The following ARPIN variants were observed in gnomAD, a reference collection of about 807,000 sequenced individuals.
ARPIN encodes UPF0552 protein C15orf38.
Under a neutral mutation model 25.9 loss-of-function variants are expected in ARPIN, and 23 were observed. The ratio of observed to expected loss-of-function variants is 0.89; its 90% CI spans 0.64 to 1.26. The LOEUF is 1.26. Ranked by LOEUF, ARPIN falls within the 50% of genes most tolerant of loss-of-function variation. The probability of loss-of-function intolerance (pLI) is 0.00; values close to 1 mark genes in which losing one functional copy is unlikely to be tolerated. For synonymous variants in ARPIN, 126 were observed against 131.4 expected (o/e 0.96, Z 0.28); for missense variants, 333 against 312.2 (o/e 1.07, Z -0.50).
At chr15:89,910,875 C>T (rs1897211269) in intron 1 of ARPIN, 56 bp from the exon 2 acceptor site, 1 of 1,599,308 alleles carries the variant, frequency 6.3e-7, no homozygotes, top group African/African-American at 1.3e-5. Context: ...CAGCAAATCT[C>T]ACCCGTGTCT....
At chr15:89,911,594 A>C (rs1335192211) in intron 1 of ARPIN, among the ~76,000 whole-genome samples, 1 of 152,048 alleles carries the variant, frequency 6.6e-6, no homozygotes, top group Admixed American at 6.6e-5. Flanking sequence ...CCCACCCCCC[A>C]CAATTATTTT....
rs1278433689 is a variant in ARPIN, at chr15:89,896,322, A to G, written c.*5473T>C. On this transcript the variant is annotated 3_prime_UTR_variant, in exon 6 of 6. Coordinates refer to ENST00000357484, the MANE Select transcript of ARPIN (RefSeq NM_182616.4). ...TGAAGAAGAACTAGCTCTGCCAACT[A>G]TGAAAACCTACTTTGATGGTTCAAA... The G allele has an allele frequency of 6.6e-6, 1 of 152,266 alleles. No individual in the cohort carries two copies. The highest frequency in any genetic ancestry group is 6.5e-5 in the Admixed American group (1 of 15,282). The allele number at this position is 152,266 out of a possible 1,614,324, so 9.4% of individuals were successfully genotyped here. A position where few individuals can be genotyped will look rare whatever the true frequency, so the allele number is the denominator to read the frequency against.
chr15:89,912,793 CCG>C lies in ARPIN; in HGVS notation c.41_42del (p.Ala14GlyfsTer59), dbSNP rs1897250549. ...GCCCCTGGCAGCCGGACGCTCTGCA[CCG>C]CCTTGTTCCGGAGCGCGCCGTCGTG... is the stretch of plus-strand genomic sequence containing the variant. ...IYHDGALRNKAVQSVRLPGAW... is the reference protein window; with the variant it reads ...IYHDGALRNKXVQSVRLPGAW... On this transcript the variant is annotated frameshift_variant, in exon 1 of 6. Transcript: ENST00000357484. LOFTEE classifies it high-confidence loss of function. The C allele has an allele frequency of 2.0e-6, 3 of 1,521,860 alleles. No homozygotes were observed. The East Asian group carries it at 8.2e-5, about 41-fold the overall frequency. The allele number at this position is 1,521,860 out of a possible 1,614,324, so 94.3% of individuals were successfully genotyped here. A position where few individuals can be genotyped will look rare whatever the true frequency, so the allele number is the denominator to read the frequency against.
At chr15:89,912,663 T>TTGCCACC in intron 1 of ARPIN, 81 bp downstream of exon 1, 2 of 871,112 alleles carry the variant, frequency 2.3e-6, no homozygotes, top group Non-Finnish European at 2.8e-6. Flanking sequence ...CCCACCCGCA[T>TTGCCACC]CCCACCCCCC....
At chr15:89,907,930 C>G (rs1016269937) in intron 3 of ARPIN, among the ~76,000 whole-genome samples, 2 of 152,220 alleles carry the variant, frequency 1.3e-5, no homozygotes, top group Non-Finnish European at 2.9e-5. Context: ...ACCCCAGAAC[C>G]AAAAGAGGAT....
intron 3 of ARPIN, among the ~76,000 whole-genome samples, chr15:89,906,539 G>A (rs548101329): frequency 1.3e-4 from 20 of 152,130 alleles, no homozygotes; most frequent in East Asian, 3.9e-4. Context: ...ATCCAGGCCC[G>A]GGCCTGTCCA....
Position 89,897,577 on chromosome 15 carries a change from A to G in ARPIN, c.*4218T>C, listed in dbSNP as rs1258022535. 6.6e-6 allele frequency: 1 copy of G among 152,212 alleles called. No individual in the cohort carries two copies. Among genetic ancestry groups the G allele is most frequent in the Non-Finnish European group, 1.5e-5 (1 of 68,044 alleles). The allele number at this position is 152,212 out of a possible 1,614,324, so 9.4% of individuals were successfully genotyped here. A position where few individuals can be genotyped will look rare whatever the true frequency, so the allele number is the denominator to read the frequency against. On this transcript the variant is annotated 3_prime_UTR_variant, in exon 6 of 6. Transcript: ENST00000357484. Reference sequence around the variant, plus strand: ...CATAGTGTTACAACAACTACCTACAAGCATTACAGATGTTTCAGAATTTGT... The same window carrying G: ...CATAGTGTTACAACAACTACCTACAGGCATTACAGATGTTTCAGAATTTGT...
Position 89,912,881 on chromosome 15 carries a change from C to G in ARPIN, c.-46G>C, listed in dbSNP as rs1897252525. 6 of 1,479,024 alleles carry G rather than the reference C, an allele frequency of 4.1e-6. No homozygotes were observed. Among genetic ancestry groups the G allele is most frequent in the Non-Finnish European group, 5.3e-6 (6 of 1,121,552 alleles). 91.6% of individuals were successfully genotyped at this position (1,479,024 alleles called of 1,614,324 possible). On this transcript the variant is annotated 5_prime_UTR_variant, in exon 1 of 6. Coordinates refer to ENST00000357484, the MANE Select transcript of ARPIN (RefSeq NM_182616.4). ...CCCGGCACAGAGCCGGCGCACTGGG[C>G]TGGGGGCGCGGCGCGGGAAGTGCTG... is the stretch of plus-strand genomic sequence containing the variant.
intron 5 of ARPIN, among the ~76,000 whole-genome samples, 176 bp from the exon 6 acceptor site, chr15:89,901,979 A>T (rs1385694812): frequency 6.6e-6 from 1 of 152,200 alleles, no homozygotes; most frequent in Non-Finnish European, 1.5e-5. Flanking sequence ...ACTGTTTTTC[A>T]GTCCAAGATT....
rs901107506 is a variant in ARPIN, at chr15:89,901,073, A to C, written c.*722T>G. 8.5e-5 allele frequency: 13 copies of C among 152,382 alleles called. No homozygotes were observed. Among genetic ancestry groups the C allele is most frequent in the African/African-American group, 3.1e-4 (13 of 41,448 alleles). The allele number at this position is 152,382 out of a possible 1,614,324, so 9.4% of individuals were successfully genotyped here. A position where few individuals can be genotyped will look rare whatever the true frequency, so the allele number is the denominator to read the frequency against. On this transcript the variant is annotated 3_prime_UTR_variant, in exon 6 of 6. Coordinates refer to ENST00000357484, the MANE Select transcript of ARPIN (RefSeq NM_182616.4). ...AGGGATGTCAGATAACAGAAACCCC[A>C]GAGGTGGCATGGGAACATTTGAGGG...
rs1395566659 is a variant in ARPIN, at chr15:89,903,122, T to G, written c.672+94A>C. The G allele has an allele frequency of 2.5e-6, 4 of 1,611,714 alleles. No homozygotes were observed. In the African/African-American group the frequency reaches 5.3e-5, roughly 22 times the overall value. ...TTCCACTAAAGCTGGGGGGTAAGAT[T>G]CATCCTGTCGTCTTCTCATCCTACC... On this transcript the variant is annotated intron_variant, in intron 5 of 5. Coordinates refer to ENST00000357484, the MANE Select transcript of ARPIN (RefSeq NM_182616.4).
intron 1 of ARPIN, 81 bp downstream of exon 1, chr15:89,912,663 T>TGGGGGGGCCCCCCCC: frequency 1.1e-6 from 1 of 871,112 alleles, no homozygotes; most frequent in Non-Finnish European, 1.4e-6. Flanking sequence ...CCCACCCGCA[T>TGGGGGGGCCCCCCCC]CCCACCCCCC....
intron 3 of ARPIN, 110 bp downstream of exon 3, chr15:89,908,170 C>T: frequency 2.0e-6 from 3 of 1,528,498 alleles, no homozygotes; most frequent in Non-Finnish European, 2.6e-6. Context: ...AGGGCTTCAA[C>T]ATCAAGAGGG....
rs1237672954 is a variant in ARPIN, at chr15:89,897,682, T to C, written c.*4113A>G. ...AAAACTATGTACACAAATTACATGC[T>C]AAAAAACCCAAATACTAAAAATTAT... On this transcript the variant is annotated 3_prime_UTR_variant, in exon 6 of 6. Coordinates refer to ENST00000357484, the MANE Select transcript of ARPIN (RefSeq NM_182616.4). The C allele has an allele frequency of 6.6e-6, 1 of 152,202 alleles. No individual in the cohort carries two copies. Among genetic ancestry groups the C allele is most frequent in the Non-Finnish European group, 1.5e-5 (1 of 68,034 alleles). The allele number at this position is 152,202 out of a possible 1,614,324, so 9.4% of individuals were successfully genotyped here. A position where few individuals can be genotyped will look rare whatever the true frequency, so the allele number is the denominator to read the frequency against.
At chr15:89,903,746 A>C (rs1897066130) in intron 4 of ARPIN, 31 bp downstream of exon 4, 1 of 1,611,848 alleles carries the variant, frequency 6.2e-7, no homozygotes, top group African/African-American at 1.3e-5. Context: ...ACACAGGAAC[A>C]GTGGGCCACA....
At chr15:89,908,547 G>A (rs1195812374) in intron 2 of ARPIN, 135 bp from the exon 3 acceptor site, 3 of 1,445,346 alleles carry the variant, frequency 2.1e-6, no homozygotes, top group African/African-American at 2.9e-5. Flanking sequence ...TTCAAGCTAG[G>A]CAGATGCTCC....
rs1042216552 is a variant in ARPIN at position 89,895,127 on chromosome 15, T to A, written c.*6668A>T. On this transcript the variant is annotated 3_prime_UTR_variant, in exon 6 of 6. Transcript: ENST00000357484. The stretch of plus-strand genomic sequence containing the variant: ...AAAAAAAAGAAGAAAAAAATATATA[T>A]CTCAGCAGTGTTATTACAGGGGAAA... 2 of 151,956 alleles carry A rather than the reference T, an allele frequency of 1.3e-5. No homozygotes were observed. Among genetic ancestry groups the A allele is most frequent in the Non-Finnish European group, 2.9e-5 (2 of 68,014 alleles). 9.4% of individuals were successfully genotyped at this position (151,956 alleles called of 1,614,324 possible). A position where few individuals can be genotyped will look rare whatever the true frequency, so the allele number is the denominator to read the frequency against.
intron 5 of ARPIN, chr15:89,902,794 G>T: frequency 9.7e-7 from 1 of 1,031,026 alleles, no homozygotes; most frequent in Non-Finnish European, 1.2e-6. Context: ...AGAAAAACCA[G>T]TAAGGACCAG....
chr15:89,902,767 G>A, intron 5 of ARPIN: 1 of 771,786 alleles, frequency 1.3e-6, no homozygotes, highest in Non-Finnish European at 1.6e-6. Flanking sequence ...TCAACGTGGG[G>A]ACTGACTCTC....
Sources: gnomAD v4.1 joint callset for allele counts (sites outside exome capture counted in the v4.1 genomes callset) on GRCh38, gnomAD v4.1.1 for gene constraint, MANE v1.5 for transcripts, NCBI Gene and HGNC (gene_info 2026-07-23, HGNC 2026-07-21) for gene names.